AKAP10: variants seen among roughly 807,000 people sequenced by gnomAD.
The protein encoded by AKAP10 is A-kinase anchoring protein 10.
Under a neutral mutation model 80.8 loss-of-function variants are expected in AKAP10, and 24 were observed. The observed-to-expected ratio is 0.30, with a 90% CI of 0.22 to 0.42. The LOEUF is 0.42. Ranked by LOEUF, AKAP10 falls within the 10% of genes least tolerant of loss-of-function variation. The probability of loss-of-function intolerance (pLI) is 1.00; values close to 1 mark genes in which losing one functional copy is unlikely to be tolerated. For synonymous variants in AKAP10, 291 were observed against 277.7 expected (o/e 1.05, Z -0.48); for missense variants, 661 against 794.9 (o/e 0.83, Z 2.03).
At chr17:19,930,310 T>C (rs2042918792) in intron 10 of AKAP10, among the ~76,000 whole-genome samples, 1 of 152,206 alleles carries the variant, frequency 6.6e-6, no homozygotes, top group Non-Finnish European at 1.5e-5. Context: ...GTGAGTTTAA[T>C]AAAACCAGTT....
intron 9 of AKAP10, 164 bp downstream of exon 9, chr17:19,936,122 G>T: frequency 3.2e-6 from 2 of 618,556 alleles, no homozygotes; most frequent in Non-Finnish European, 5.1e-6. Context: ...TATGTGGCAC[G>T]TGACTGTACA....
chr17:19,945,640 A>G (rs2043095244), intron 5 of AKAP10, among the ~76,000 whole-genome samples: 1 of 152,138 alleles, frequency 6.6e-6, no homozygotes, highest in African/African-American at 2.4e-5. Context: ...CCAACATGAC[A>G]TGGACCCCAG....
At chr17:19,907,004 C>G (rs1039743500) in intron 14 of AKAP10, among the ~76,000 whole-genome samples, 2 of 148,822 alleles carry the variant, frequency 1.3e-5, no homozygotes, top group Non-Finnish European at 3.0e-5. Flanking sequence ...GCTAGTTCTT[C>G]GAGTCTACTG....
intron 5 of AKAP10, among the ~76,000 whole-genome samples, chr17:19,943,177 T>C (rs1380026863): frequency 6.6e-6 from 1 of 152,146 alleles, no homozygotes; most frequent in Non-Finnish European, 1.5e-5. Flanking sequence ...GCCTGAGACA[T>C]TGCAACTGGC....
At chr17:19,942,957 T>C (rs2043065299) in intron 5 of AKAP10, among the ~76,000 whole-genome samples, 1 of 152,096 alleles carries the variant, frequency 6.6e-6, no homozygotes. Context: ...CCGGAGTCAG[T>C]GGCACGATCA....
chr17:19,977,575 G>A lies in AKAP10; in HGVS notation c.88+17C>T. The A allele has an allele frequency of 8.1e-7, 1 of 1,233,114 alleles. No individual in the cohort carries two copies. Among genetic ancestry groups the A allele is most frequent in the Non-Finnish European group, 1.0e-6 (1 of 987,666 alleles). 76.4% of individuals were successfully genotyped at this position (1,233,114 alleles called of 1,614,324 possible). On this transcript the variant is annotated intron_variant, in intron 1 of 14. Coordinates refer to ENST00000225737, the MANE Select transcript of AKAP10 (RefSeq NM_007202.4). ...CTGAGGCCCGGCCTGACTCCCCGCCGGCGCCCCCTCAGCTACCTTTCCGCC... is the reference window on the plus strand; with the variant it reads ...CTGAGGCCCGGCCTGACTCCCCGCCAGCGCCCCCTCAGCTACCTTTCCGCC...
intron 1 of AKAP10, 40 bp downstream of exon 1, chr17:19,977,552 G>C (rs2043586738): frequency 4.1e-6 from 5 of 1,226,802 alleles, no homozygotes; most frequent in Middle Eastern, 2.9e-4. Context: ...CGCCGCCCCT[G>C]AGGCCCGGCC....
chr17:19,927,325 C>A (rs766964389), intron 10 of AKAP10, among the ~76,000 whole-genome samples: 3 of 150,108 alleles, frequency 2.0e-5, no homozygotes, highest in Non-Finnish European at 4.4e-5. Context: ...CAGAATGAGA[C>A]CTTATCTTAA....
intron 5 of AKAP10, among the ~76,000 whole-genome samples, chr17:19,946,279 T>A (rs867929032): frequency 0.017 from 383 of 23,008 alleles, 1 homozygote; most frequent in Non-Finnish European, 0.027. Flanking sequence ...ATATATATTT[T>A]TTTTTTTTTT....
intron 1 of AKAP10, among the ~76,000 whole-genome samples, chr17:19,972,790 A>C (rs1470893201): frequency 6.6e-6 from 1 of 152,166 alleles, no homozygotes; most frequent in African/African-American, 2.4e-5. Context: ...AATTTACACA[A>C]CATGGATTAT....
At chr17:19,916,912 G>A (rs1366242543) in intron 12 of AKAP10, among the ~76,000 whole-genome samples, 2 of 149,800 alleles carry the variant, frequency 1.3e-5, no homozygotes, top group South Asian at 2.1e-4. Flanking sequence ...ACTCCAGCCC[G>A]GGCGACAGAG....
rs899122827 is a variant in AKAP10, at chr17:19,905,113, G to C, written c.*1114C>G. Reference sequence around the variant, plus strand: ...TCTCAATCATGTGCATTGAGGAAGCGCTGGCGCCACGTGGTCAATGGAGTG... The same window carrying C: ...TCTCAATCATGTGCATTGAGGAAGCCCTGGCGCCACGTGGTCAATGGAGTG... On this transcript the variant is annotated 3_prime_UTR_variant, in exon 15 of 15. Transcript: ENST00000225737. 6.6e-6 allele frequency: 1 copy of C among 151,586 alleles called. No homozygotes were observed. Among genetic ancestry groups the C allele is most frequent in the Non-Finnish European group, 1.5e-5 (1 of 67,970 alleles). The allele number at this position is 151,586 out of a possible 1,614,324, so 9.4% of individuals were successfully genotyped here.
At chr17:19,946,134 T>TG (rs2043102405) in intron 5 of AKAP10, among the ~76,000 whole-genome samples, 2 of 130,270 alleles carry the variant, frequency 1.5e-5, no homozygotes, top group East Asian at 4.3e-4. Flanking sequence ...CACTAATATG[T>TG]ATATTATATA....
intron 12 of AKAP10, among the ~76,000 whole-genome samples, chr17:19,914,541 C>A (rs376152897): frequency 2.1e-5 from 3 of 142,552 alleles, no homozygotes; most frequent in African/African-American, 7.9e-5. Flanking sequence ...ACTCGAGAGG[C>A]TGAGGTGAGA....
At chr17:19,925,016 T>C in intron 10 of AKAP10, among the ~76,000 whole-genome samples, 1 of 151,932 alleles carries the variant, frequency 6.6e-6, no homozygotes, top group Non-Finnish European at 1.5e-5. Flanking sequence ...ATAAAAAAAT[T>C]AGCCGGGCAT....
intron 12 of AKAP10, among the ~76,000 whole-genome samples, chr17:19,913,037 G>A (rs1404543615): frequency 6.6e-6 from 1 of 151,012 alleles, no homozygotes; most frequent in East Asian, 1.9e-4. Context: ...GAATGTAGTG[G>A]TGCATTATCA....
At chr17:19,937,167 A>T (rs1015672383) in intron 8 of AKAP10, among the ~76,000 whole-genome samples, 1 of 152,198 alleles carries the variant, frequency 6.6e-6, no homozygotes, top group Non-Finnish European at 1.5e-5. Flanking sequence ...AGAAATACAA[A>T]GGTTGATAAT....
intron 5 of AKAP10, among the ~76,000 whole-genome samples, chr17:19,946,239 A>ATATATATATATATAT (rs2043115008): frequency 2.6e-4 from 2 of 7,746 alleles, no homozygotes; most frequent in African/African-American, 6.0e-4. Context: ...TATATATATT[A>ATATATATATATATAT]TATATATATA....
At chr17:19,921,858 G>C (rs1035681359) in intron 11 of AKAP10, among the ~76,000 whole-genome samples, 1 of 152,116 alleles carries the variant, frequency 6.6e-6, no homozygotes. Flanking sequence ...CTACAGTGAT[G>C]AGTTATAGTA....
Sources: gnomAD v4.1 joint callset for allele counts (sites outside exome capture counted in the v4.1 genomes callset) on GRCh38, gnomAD v4.1.1 for gene constraint, MANE v1.5 for transcripts, NCBI Gene and HGNC (gene_info 2026-07-23, HGNC 2026-07-21) for gene names.